Variants in PAK1 observed in about 807,000 individuals in gnomAD.
The protein encoded by PAK1 is serine/threonine-protein kinase PAK 1.
In PAK1, 29 loss-of-function variants were observed where a neutral mutation model predicts 67.4. The ratio of observed to expected loss-of-function variants is 0.43; its 90% CI spans 0.32 to 0.59. The LOEUF is 0.59. Ranked by LOEUF, PAK1 falls within the 20% of genes least tolerant of loss-of-function variation. The pLI is 0.07. For missense variants in PAK1, 337 were observed against 670.7 expected (o/e 0.50, Z 5.50); for synonymous variants, 223 against 237.4 (o/e 0.94, Z 0.56).
upstream of PAK1, among the ~76,000 whole-genome samples, chr11:77,478,080 A>T (rs183983132): frequency 1.1e-4 from 17 of 152,278 alleles, no homozygotes; most frequent in Middle Eastern, 6.8e-3. Context: ...GCACACCAAC[A>T]CTCACTCAGA....
At chr11:77,403,142 T>C (rs1952943499) in intron 1 of PAK1, among the ~76,000 whole-genome samples, 2 of 152,246 alleles carry the variant, frequency 1.3e-5, no homozygotes, top group Non-Finnish European at 2.9e-5. Context: ...TAATTTTCAG[T>C]GCCATTTCCA....
At chr11:77,402,335 T>C (rs1952814872) in intron 1 of PAK1, among the ~76,000 whole-genome samples, 1 of 152,046 alleles carries the variant, frequency 6.6e-6, no homozygotes, top group South Asian at 2.1e-4. Context: ...GTACCTCTAA[T>C]CCTCCCCACC....
At chr11:77,414,355 C>A (rs1203451978) in intron 1 of PAK1, among the ~76,000 whole-genome samples, 1 of 152,232 alleles carries the variant, frequency 6.6e-6, no homozygotes, top group African/African-American at 2.4e-5. Context: ...TTAATTCTCC[C>A]TGTCCACCAG....
intron 1 of PAK1, among the ~76,000 whole-genome samples, chr11:77,451,894 C>T (rs559899800): frequency 1.4e-5 from 2 of 142,714 alleles, no homozygotes; most frequent in East Asian, 1.9e-4. Context: ...CCACCACGCC[C>T]GACCTCTCTC....
At chr11:77,516,726 A>T in the PAK1 span, among the ~76,000 whole-genome samples, 66 of 151,330 alleles carry the variant, frequency 4.4e-4, 2 homozygotes, top group Non-Finnish European at 2.9e-5. Context: ...TACAAAGTCT[A>T]GGCATGGTGG....
chr11:77,335,120 T>C (rs1250978609), intron 13 of PAK1, among the ~76,000 whole-genome samples: 2 of 152,202 alleles, frequency 1.3e-5, no homozygotes, highest in African/African-American at 4.8e-5. Flanking sequence ...GGCCACTCCT[T>C]GGTCTACTTT....
At chr11:77,343,070 T>C (rs1034175453) in intron 10 of PAK1, among the ~76,000 whole-genome samples, 14 of 152,078 alleles carry the variant, frequency 9.2e-5, no homozygotes, top group African/African-American at 2.9e-4. Flanking sequence ...AAAAAAACCC[T>C]ACCTCACAAT....
chr11:77,428,087 C>A (rs114969763), intron 1 of PAK1, among the ~76,000 whole-genome samples: 1,901 of 152,294 alleles, frequency 0.012, 41 homozygotes, highest in African/African-American at 0.043. Flanking sequence ...TACTAGAGAT[C>A]CTTGAATGAC....
chr11:77,341,575 C>T (rs557360570), intron 10 of PAK1, among the ~76,000 whole-genome samples: 9 of 152,268 alleles, frequency 5.9e-5, no homozygotes, highest in African/African-American at 2.2e-4. Flanking sequence ...AACCCTATTA[C>T]ACGATAAATA....
At chr11:77,504,415 G>A in the PAK1 span, among the ~76,000 whole-genome samples, 1 of 152,050 alleles carries the variant, frequency 6.6e-6, no homozygotes, top group Admixed American at 6.6e-5. Context: ...TGTGTTCTTT[G>A]GGTTGAAGTA....
chr11:77,374,492 C>T (rs1948847869), intron 4 of PAK1, 127 bp from the exon 5 acceptor site: 1 of 673,234 alleles, frequency 1.5e-6, no homozygotes, highest in Non-Finnish European at 2.7e-6. Context: ...ATGACTGGTA[C>T]TACAGGCTAG....
intron 1 of PAK1, among the ~76,000 whole-genome samples, chr11:77,427,847 T>C (rs772034094): frequency 5.9e-5 from 9 of 152,238 alleles, no homozygotes; most frequent in Admixed American, 3.3e-4. Context: ...TCTTCCTCAC[T>C]GTATTCAGGC....
chr11:77,463,197 G>A (rs1410473754), intron 1 of PAK1, among the ~76,000 whole-genome samples: 1 of 152,040 alleles, frequency 6.6e-6, no homozygotes, highest in African/African-American at 2.4e-5. Context: ...GTGTTTACGG[G>A]TGTACTGATA....
chr11:77,329,830 A>T (rs997483971), intron 14 of PAK1, among the ~76,000 whole-genome samples: 17 of 152,168 alleles, frequency 1.1e-4, no homozygotes, highest in African/African-American at 4.1e-4. Context: ...ATTAGGAAAA[A>T]AAGAAGTCAA....
upstream of PAK1, chr11:77,475,932 A>C (rs1227627648): frequency 6.6e-6 from 1 of 152,258 alleles, no homozygotes; most frequent in Non-Finnish European, 1.5e-5. Flanking sequence ...AGCACTTGGG[A>C]GGCCAAGGCA....
intron 1 of PAK1, among the ~76,000 whole-genome samples, chr11:77,465,558 T>C (rs1366153280): frequency 6.6e-6 from 1 of 152,102 alleles, no homozygotes; most frequent in Non-Finnish European, 1.5e-5. Context: ...ACAAATTACA[T>C]ATGTAATTTA....
the PAK1 span, among the ~76,000 whole-genome samples, chr11:77,524,418 T>G: frequency 6.6e-6 from 1 of 152,238 alleles, no homozygotes; most frequent in Non-Finnish European, 1.5e-5. Context: ...CTAGCATGCC[T>G]CATGCCACGT....
At chr11:77,376,121 T>C (rs1296179067) in intron 4 of PAK1, among the ~76,000 whole-genome samples, 2 of 152,216 alleles carry the variant, frequency 1.3e-5, no homozygotes, top group Admixed American at 1.3e-4. Flanking sequence ...TTCACTGCAC[T>C]ACCCCCAACT....
chr11:77,437,716 C>T (rs1956188709), intron 1 of PAK1, among the ~76,000 whole-genome samples: 1 of 147,482 alleles, frequency 6.8e-6, no homozygotes, highest in Admixed American at 6.7e-5. Flanking sequence ...ATACACAGTA[C>T]CAAGATTGAG....
Sources: gnomAD v4.1 joint callset for allele counts (sites outside exome capture counted in the v4.1 genomes callset) on GRCh38, gnomAD v4.1.1 for gene constraint, MANE v1.5 for transcripts, NCBI Gene and HGNC (gene_info 2026-07-23, HGNC 2026-07-21) for gene names.